The following CTNNA3 variants were observed in gnomAD, a reference collection of about 807,000 sequenced individuals.
CTNNA3 encodes catenin alpha 3.
In CTNNA3, 76 loss-of-function variants were observed where a neutral mutation model predicts 95.7. The ratio of observed to expected loss-of-function variants is 0.79; its 90% CI spans 0.66 to 0.96. The LOEUF (loss-of-function observed/expected upper bound fraction) is 0.96, where lower values mean the gene tolerates loss of function less well. Ranked by LOEUF, CTNNA3 falls within the 40% of genes least tolerant of loss-of-function variation. The pLI, the probability that CTNNA3 is intolerant of heterozygous loss-of-function variation, is 0.00. For synonymous variants in CTNNA3, 431 were observed against 374.4 expected, an observed-to-expected ratio of 1.15 and a Z score of -1.74; for missense variants, 1,191 against 1,089.8, an observed-to-expected ratio of 1.09 and a Z score of -1.31.
At chr10:67,003,206 G>C (rs529384682) in intron 7 of CTNNA3, among the ~76,000 whole-genome samples, 1 of 152,250 alleles carries the variant, frequency 6.6e-6, no homozygotes, top group South Asian at 2.1e-4. Flanking sequence ...TTCAGGCACA[G>C]TGCCTATGCT....
At chr10:66,476,107 C>T (rs1250490997) in intron 11 of CTNNA3, among the ~76,000 whole-genome samples, 1 of 151,974 alleles carries the variant, frequency 6.6e-6, no homozygotes, top group African/African-American at 2.4e-5. Flanking sequence ...TAAACCAAGG[C>T]AGGAACAGAA....
At chr10:66,609,317 C>T (rs1224182537) in intron 10 of CTNNA3, among the ~76,000 whole-genome samples, 1 of 149,124 alleles carries the variant, frequency 6.7e-6, no homozygotes, top group African/African-American at 2.5e-5. Flanking sequence ...CCCTCCTCAG[C>T]CTCCCAAAGT....
At chr10:67,357,727 T>TA (rs546193780) in intron 5 of CTNNA3, among the ~76,000 whole-genome samples, 38 of 151,986 alleles carry the variant, frequency 2.5e-4, no homozygotes, top group Non-Finnish European at 5.1e-4. Context: ...TTATAAATAG[T>TA]AAGCATGCAA....
chr10:66,003,929 G>T (rs919886139), intron 15 of CTNNA3, among the ~76,000 whole-genome samples: 1 of 152,076 alleles, frequency 6.6e-6, no homozygotes, highest in African/African-American at 2.4e-5. Flanking sequence ...CCATAATTGC[G>T]CACATCACAT....
At chr10:67,396,011 C>T (rs148693893) in intron 5 of CTNNA3, among the ~76,000 whole-genome samples, 1 of 152,014 alleles carries the variant, frequency 6.6e-6, no homozygotes, top group Non-Finnish European at 1.5e-5. Context: ...AAAAACATCA[C>T]TTTAAATGTA....
chr10:67,254,286 A>ATTGC (rs1866241440), intron 5 of CTNNA3, among the ~76,000 whole-genome samples: 1 of 152,152 alleles, frequency 6.6e-6, no homozygotes, highest in South Asian at 2.1e-4. Flanking sequence ...CAGCTAAGAA[A>ATTGC]AGCCCCCTAA....
At chr10:66,326,693 G>T (rs991984395) in intron 12 of CTNNA3, among the ~76,000 whole-genome samples, 1 of 151,922 alleles carries the variant, frequency 6.6e-6, no homozygotes, top group Non-Finnish European at 1.5e-5. Flanking sequence ...TTAAATTCAC[G>T]TGTGTATTGG....
At chr10:67,356,837 A>G (rs1409486788) in intron 5 of CTNNA3, among the ~76,000 whole-genome samples, 1 of 152,070 alleles carries the variant, frequency 6.6e-6, no homozygotes, top group Non-Finnish European at 1.5e-5. Flanking sequence ...TTATACTTTG[A>G]CTAAATACAG....
At chr10:67,692,872 C>T (rs1840895985) in intron 1 of CTNNA3, among the ~76,000 whole-genome samples, 2 of 151,836 alleles carry the variant, frequency 1.3e-5, no homozygotes, top group South Asian at 4.1e-4. Flanking sequence ...TTGAACAGTG[C>T]TAATTTAAAG....
chr10:66,650,897 G>A (rs1294411261), intron 9 of CTNNA3, among the ~76,000 whole-genome samples: 4 of 152,284 alleles, frequency 2.6e-5, no homozygotes, highest in Middle Eastern at 3.4e-3. Context: ...AAAGAACAAG[G>A]CTTCCACAGC....
At chr10:67,647,877 C>T (rs999938807) in intron 1 of CTNNA3, among the ~76,000 whole-genome samples, 5 of 151,102 alleles carry the variant, frequency 3.3e-5, no homozygotes, top group Non-Finnish European at 5.9e-5. Context: ...TGTGAAATCA[C>T]AGCACTGAGG....
At chr10:66,686,082 C>T (rs1847285429) in intron 9 of CTNNA3, among the ~76,000 whole-genome samples, 1 of 152,118 alleles carries the variant, frequency 6.6e-6, no homozygotes, top group Non-Finnish European at 1.5e-5. Context: ...TAGCTTACGC[C>T]AATACAGGAA....
chr10:67,466,286 T>A (rs932994939), intron 5 of CTNNA3, among the ~76,000 whole-genome samples: 3 of 152,174 alleles, frequency 2.0e-5, no homozygotes, highest in Admixed American at 2.0e-4. Flanking sequence ...TGTTCAAAGT[T>A]GTGCCACAAA....
intron 13 of CTNNA3, among the ~76,000 whole-genome samples, chr10:66,253,546 A>G (rs1255460615): frequency 1.3e-5 from 2 of 152,342 alleles, no homozygotes; most frequent in Admixed American, 6.5e-5. Flanking sequence ...TCTCATTGAA[A>G]TGGTAGAAGA....
intron 9 of CTNNA3, among the ~76,000 whole-genome samples, chr10:66,663,957 T>C (rs1231789840): frequency 6.6e-6 from 1 of 152,100 alleles, no homozygotes; most frequent in Non-Finnish European, 1.5e-5. Flanking sequence ...TTCTCTCCTT[T>C]GTCACCTTAA....
chr10:67,368,671 A>T lies in CTNNA3; in HGVS notation c.580-148801T>A, dbSNP rs10997621. ...AATGGTATCCATACAATGGAATACT[A>T]TTTCACAATATTTAAAACTACTGAT... On this transcript the variant is annotated intron_variant, in intron 5 of 17. Coordinates refer to ENST00000433211, the MANE Select transcript of CTNNA3 (RefSeq NM_013266.4). Among the ~76,000 whole-genome samples the T allele has an allele frequency of 7.2e-3, 1,102 of 152,360 alleles. 11 individuals are homozygous for T. The highest frequency in any genetic ancestry group is 0.025 in the African/African-American group (1,034 of 41,588).
intron 3 of CTNNA3, among the ~76,000 whole-genome samples, chr10:67,588,522 T>G (rs1319172841): frequency 6.7e-6 from 1 of 148,164 alleles, no homozygotes; most frequent in Non-Finnish European, 1.5e-5. Context: ...GAGACTGTAT[T>G]GAATTTATGG....
At chr10:67,726,601 CAT>C (rs1397835677) in intron 1 of CTNNA3, among the ~76,000 whole-genome samples, 11 of 22,398 alleles carry the variant, frequency 4.9e-4, no homozygotes, top group South Asian at 2.1e-3. Context: ...TATTATATTA[CAT>C]ATTATATAAT....
intron 15 of CTNNA3, among the ~76,000 whole-genome samples, chr10:66,038,456 C>G (rs1401946165): frequency 6.6e-6 from 1 of 152,032 alleles, no homozygotes; most frequent in East Asian, 1.9e-4. Context: ...ACTGCCAGAC[C>G]AGGAGCCTAT....
Sources: allele counts gnomAD v4.1 joint callset (sites outside exome capture counted in the v4.1 genomes callset), GRCh38; gene constraint gnomAD v4.1.1; transcripts MANE v1.5; gene names NCBI Gene and HGNC (gene_info 2026-07-23, HGNC 2026-07-21).